The following GRM7 variants were observed in gnomAD, a reference collection of about 807,000 sequenced individuals.
GRM7 encodes the protein metabotropic glutamate receptor 7.
GRM7 carries 35 observed loss-of-function variants against 84.5 expected under a neutral mutation model. The ratio of observed to expected loss-of-function variants is 0.41; its 90% CI spans 0.32 to 0.55. The LOEUF (loss-of-function observed/expected upper bound fraction) is 0.55. Ranked by LOEUF, GRM7 falls within the 20% of genes least tolerant of loss-of-function variation. The pLI, the probability that GRM7 is intolerant of heterozygous loss-of-function variation, is 0.19. For synonymous variants in GRM7, 487 were observed against 455.1 expected, an observed-to-expected ratio of 1.07 and a Z score of -0.89; for missense variants, 1,003 against 1,194.6, an observed-to-expected ratio of 0.84 and a Z score of 2.36.
At chr3:7,284,285 CG>C (rs1422920978) in intron 2 of GRM7, among the ~76,000 whole-genome samples, 1 of 131,052 alleles carries the variant, frequency 7.6e-6, no homozygotes. Context: ...CATGCTCACT[CG>C]TGTGTGTGTG....
intron 7 of GRM7, among the ~76,000 whole-genome samples, chr3:7,510,323 C>G (rs889102335): frequency 6.6e-6 from 1 of 152,054 alleles, no homozygotes; most frequent in African/African-American, 2.4e-5. Context: ...GTTTAAATAC[C>G]CTCCTTTGTC....
chr3:7,328,783 A>C (rs1701081075), intron 4 of GRM7, among the ~76,000 whole-genome samples: 1 of 139,902 alleles, frequency 7.1e-6, no homozygotes, highest in African/African-American at 2.8e-5. Flanking sequence ...TGCACTATAA[A>C]CCCCTCACAG....
intron 1 of GRM7, among the ~76,000 whole-genome samples, chr3:7,095,390 C>T (rs1055948898): frequency 7.2e-5 from 11 of 152,048 alleles, no homozygotes; most frequent in African/African-American, 2.7e-4. Flanking sequence ...GTGAGCAATT[C>T]ATCACTTAAT....
At chr3:7,452,495 G>C in intron 5 of GRM7, 112 bp from the exon 6 acceptor site, 1 of 757,680 alleles carries the variant, frequency 1.3e-6, no homozygotes, top group Non-Finnish European at 2.3e-6. Context: ...TATCGAAGCA[G>C]TGTTTTCTTT....
At chr3:7,329,822 G>T (rs143741798) in intron 4 of GRM7, among the ~76,000 whole-genome samples, 112 of 152,098 alleles carry the variant, frequency 7.4e-4, no homozygotes, top group African/African-American at 2.6e-3. Flanking sequence ...ACTTAGATAT[G>T]CATAACATAT....
chr3:7,351,501 G>T (rs1693146348), intron 4 of GRM7, among the ~76,000 whole-genome samples: 1 of 152,040 alleles, frequency 6.6e-6, no homozygotes, highest in African/African-American at 2.4e-5. Flanking sequence ...TGGATTGAAG[G>T]TTGCATGCAG....
chr3:7,440,610 T>C (rs995900950), intron 5 of GRM7, among the ~76,000 whole-genome samples: 1 of 152,184 alleles, frequency 6.6e-6, no homozygotes, highest in Non-Finnish European at 1.5e-5. Context: ...ACACAGGTGA[T>C]AAACGTAGTA....
intron 1 of GRM7, among the ~76,000 whole-genome samples, chr3:7,109,926 T>C (rs1024678336): frequency 1.3e-5 from 2 of 152,118 alleles, no homozygotes; most frequent in African/African-American, 4.8e-5. Flanking sequence ...TATGTTTGAA[T>C]CTTGTATTTT....
intron 2 of GRM7, among the ~76,000 whole-genome samples, chr3:7,196,581 A>G (rs1174151885): frequency 6.6e-6 from 1 of 152,088 alleles, no homozygotes; most frequent in African/African-American, 2.4e-5. Context: ...TCTGCCCGAA[A>G]TGGCCTTTCA....
intron 4 of GRM7, among the ~76,000 whole-genome samples, chr3:7,410,151 A>T (rs1695863740): frequency 6.6e-6 from 1 of 152,170 alleles, no homozygotes; most frequent in Non-Finnish European, 1.5e-5. Flanking sequence ...AGGCCTACCT[A>T]AAAGGAATAT....
intron 1 of GRM7, among the ~76,000 whole-genome samples, chr3:6,899,250 C>T (rs1437276602): frequency 2.0e-5 from 3 of 152,060 alleles, no homozygotes; most frequent in African/African-American, 7.2e-5. Flanking sequence ...ATAGGGAAGA[C>T]CCAATTGATG....
At chr3:7,459,342 C>T (rs1575368222) in intron 6 of GRM7, among the ~76,000 whole-genome samples, 2 of 152,096 alleles carry the variant, frequency 1.3e-5, no homozygotes, top group African/African-American at 4.8e-5. Context: ...ACTTAACCAG[C>T]AGGTGGGGAG....
chr3:7,047,744 A>G (rs1356732007), intron 1 of GRM7, among the ~76,000 whole-genome samples: 1 of 152,096 alleles, frequency 6.6e-6, no homozygotes, highest in East Asian at 1.9e-4. Context: ...TAGAACATTC[A>G]CTCATTGTTT....
intron 7 of GRM7, among the ~76,000 whole-genome samples, chr3:7,509,125 C>A (rs1436910349): frequency 1.3e-5 from 2 of 152,014 alleles, no homozygotes; most frequent in African/African-American, 4.8e-5. Flanking sequence ...GGTATGCTAC[C>A]CACCCATTCA....
At chr3:6,996,252 G>T (rs1694827151) in intron 1 of GRM7, among the ~76,000 whole-genome samples, 1 of 152,056 alleles carries the variant, frequency 6.6e-6, no homozygotes, top group South Asian at 2.1e-4. Context: ...ATGTCACCGT[G>T]TTTGCCAGGA....
chr3:6,950,470 G>C lies in GRM7; in HGVS notation c.519+88563G>C, dbSNP rs1332182127. Among the ~76,000 whole-genome samples, 8 of 152,332 alleles carry C rather than the reference G, an allele frequency of 5.3e-5. No homozygotes were observed. In the East Asian group the frequency reaches 1.5e-3, roughly 29 times the overall value. On this transcript the variant is annotated intron_variant, in intron 1 of 9. Coordinates refer to ENST00000357716, the MANE Select transcript of GRM7 (RefSeq NM_000844.4). The stretch of plus-strand genomic sequence containing the variant: ...GTGAGGTGTCAGTACGCCCCTACTG[G>C]GGGGTGCCTCCCAGTTAGGCTGCTG...
At chr3:7,304,342 A>T (rs1700114900) in intron 3 of GRM7, among the ~76,000 whole-genome samples, 1 of 133,618 alleles carries the variant, frequency 7.5e-6, no homozygotes, top group African/African-American at 2.6e-5. Context: ...AGAGGTTAAT[A>T]ATATCATTTC....
chr3:7,656,525 AT>A (rs1699193790), intron 8 of GRM7, among the ~76,000 whole-genome samples: 1 of 72,708 alleles, frequency 1.4e-5, no homozygotes. Context: ...AAAAAAAAAT[AT>A]ATATATATAT....
At chr3:7,080,115 C>G (rs1305730854) in intron 1 of GRM7, among the ~76,000 whole-genome samples, 2 of 152,030 alleles carry the variant, frequency 1.3e-5, no homozygotes, top group Admixed American at 6.6e-5. Flanking sequence ...CTTTATTTCT[C>G]TCCTTCCCAC....
Sources: allele counts gnomAD v4.1 joint callset (sites outside exome capture counted in the v4.1 genomes callset), GRCh38; gene constraint gnomAD v4.1.1; transcripts MANE v1.5; gene names NCBI Gene and HGNC (gene_info 2026-07-23, HGNC 2026-07-21).